MRPL3: variants seen among roughly 807,000 people sequenced by gnomAD.
MRPL3 encodes mitochondrial ribosomal protein L3, also known as large ribosomal subunit protein uL3m.
A neutral mutation model predicts 44.3 loss-of-function variants in MRPL3; 43 were observed. That is an observed-to-expected ratio of 0.97 (90% CI 0.76 to 1.25). MRPL3 has a LOEUF of 1.25. Among genes scored for constraint, MRPL3 ranks in the 50% most tolerant of loss-of-function variants. The pLI, the probability that MRPL3 is intolerant of heterozygous loss-of-function variation, is 0.00. For synonymous variants in MRPL3, 171 were observed against 152.3 expected, an observed-to-expected ratio of 1.12 and a Z score of -0.91; for missense variants, 406 against 427.6, an observed-to-expected ratio of 0.95 and a Z score of 0.45.
intron 3 of MRPL3, among the ~76,000 whole-genome samples, chr3:131,498,904 T>C (rs1323077590): frequency 6.6e-6 from 1 of 152,044 alleles, no homozygotes. Flanking sequence ...AGACAAGCAG[T>C]GTCAGGATTC....
chr3:131,501,826 G>T, intron 1 of MRPL3, 111 bp from the exon 2 acceptor site: 1 of 1,590,324 alleles, frequency 6.3e-7, no homozygotes, highest in Middle Eastern at 1.7e-4. Flanking sequence ...CTTGGGAAAG[G>T]GCTTGGATTC....
At chr3:131,481,184 T>C (rs2110704089) in intron 6 of MRPL3, among the ~76,000 whole-genome samples, 1 of 152,370 alleles carries the variant, frequency 6.6e-6, no homozygotes, top group East Asian at 1.9e-4. Flanking sequence ...CTAGAGTGTT[T>C]TGTAAAGCTA....
chr3:131,468,785 T>C lies in MRPL3; in HGVS notation c.817-617A>G, dbSNP rs113636683. On this transcript the variant is annotated intron_variant, in intron 8 of 9. Coordinates refer to ENST00000264995, the MANE Select transcript of MRPL3 (RefSeq NM_007208.4). ...CAGCAAATAGATGGTCTCTGATAAG[T>C]ATAAATGTAATAGAAGGGGTAAAAA... Among the ~76,000 whole-genome samples, 343 of 152,156 alleles carry C rather than the reference T, an allele frequency of 2.3e-3. 3 individuals carry two copies. Among genetic ancestry groups the C allele is most frequent in the African/African-American group, 7.7e-3 (321 of 41,532 alleles).
At chr3:131,477,769 C>T (rs909092161) in intron 6 of MRPL3, among the ~76,000 whole-genome samples, 8 of 152,144 alleles carry the variant, frequency 5.3e-5, no homozygotes, top group Non-Finnish European at 1.2e-4. Flanking sequence ...ATTATCACAA[C>T]CTAAAAAATT....
At position 131,490,022 on chromosome 3, in the gene MRPL3, ACTGT is replaced by A. The variant is rs779632643; in HGVS notation, c.523_526del (p.Thr175LeufsTer6). The A allele has an allele frequency of 2.5e-6, 4 of 1,612,012 alleles. No individual in the cohort carries two copies. The highest frequency in any genetic ancestry group is 2.5e-6 in the Non-Finnish European group (3 of 1,178,476). On this transcript the variant is annotated frameshift_variant, in exon 5 of 10. Coordinates refer to ENST00000264995, the MANE Select transcript of MRPL3 (RefSeq NM_007208.4). LOFTEE classifies it high-confidence loss of function. ...ATTATCTGTTATATTAAAGATTTTA[ACTGT>A]CTGTTTCGGCGGCAATCCAAGTTCC...
chr3:131,500,305 TCAA>T, intron 3 of MRPL3, 122 bp downstream of exon 3: 1 of 723,190 alleles, frequency 1.4e-6, no homozygotes, highest in Non-Finnish European at 2.3e-6. Flanking sequence ...CTATTTATGT[TCAA>T]CATCACCCCT....
chr3:131,491,994 A>G (rs1004582352), intron 4 of MRPL3, among the ~76,000 whole-genome samples: 2 of 152,062 alleles, frequency 1.3e-5, no homozygotes, highest in Non-Finnish European at 2.9e-5. Context: ...GCTTCAGAAA[A>G]AATGCACTCC....
chr3:131,493,297 A>G (rs914198476), intron 4 of MRPL3, among the ~76,000 whole-genome samples: 19 of 152,190 alleles, frequency 1.2e-4, no homozygotes, highest in African/African-American at 4.6e-4. Context: ...ATATAAGTAC[A>G]TGTCTCTAGT....
In MRPL3 at chr3:131,487,666, CTA is replaced by C. The variant is rs1313266902; in HGVS notation, c.629+12_629+13del. On this transcript the variant is annotated intron_variant, in intron 6 of 9. Coordinates refer to ENST00000264995, the MANE Select transcript of MRPL3 (RefSeq NM_007208.4). ...GAAAACAAAAGGAAAAGAGAACTCG[CTA>C]TGAGGACCTACGTTTTGGCTGTGAC... The C allele has an allele frequency of 1.9e-6, 3 of 1,603,238 alleles. No individual in the cohort carries two copies. Among genetic ancestry groups the C allele is most frequent in the Non-Finnish European group, 2.6e-6 (3 of 1,173,362 alleles).
intron 6 of MRPL3, among the ~76,000 whole-genome samples, chr3:131,471,966 A>G (rs1273916736): frequency 6.6e-6 from 1 of 152,130 alleles, no homozygotes; most frequent in Non-Finnish European, 1.5e-5. Flanking sequence ...GTAGGTATGG[A>G]GGCAGATTCT....
chr3:131,468,051 A>C, intron 9 of MRPL3, 40 bp downstream of exon 9: 1 of 541,906 alleles, frequency 1.8e-6, no homozygotes, highest in Non-Finnish European at 2.4e-6. Flanking sequence ...GTAAGAAACA[A>C]AAAAAAAAAA....
intron 9 of MRPL3, among the ~76,000 whole-genome samples, chr3:131,464,617 A>ATT (rs1933560664): frequency 1.3e-5 from 2 of 149,030 alleles, no homozygotes; most frequent in African/African-American, 2.5e-5. Flanking sequence ...TATATAGGAC[A>ATT]CAGGAATGAA....
intron 6 of MRPL3, among the ~76,000 whole-genome samples, chr3:131,486,767 A>G (rs1170775704): frequency 6.6e-6 from 1 of 152,238 alleles, no homozygotes; most frequent in Non-Finnish European, 1.5e-5. Flanking sequence ...ATACCATCTC[A>G]TGCCAGTCAG....
At chr3:131,500,776 TAA>T (rs771252166) in intron 2 of MRPL3, among the ~76,000 whole-genome samples, 3 of 152,216 alleles carry the variant, frequency 2.0e-5, no homozygotes, top group Non-Finnish European at 2.9e-5. Flanking sequence ...AGAAAACAGA[TAA>T]GTTAGGTATA....
intron 6 of MRPL3, among the ~76,000 whole-genome samples, chr3:131,482,167 T>A (rs1468172231): frequency 6.6e-6 from 1 of 152,118 alleles, no homozygotes; most frequent in African/African-American, 2.4e-5. Context: ...TAACTGAATC[T>A]CAATAAATGT....
chr3:131,483,374 T>G (rs1934039334), intron 6 of MRPL3, among the ~76,000 whole-genome samples: 1 of 152,198 alleles, frequency 6.6e-6, no homozygotes, highest in African/African-American at 2.4e-5. Flanking sequence ...ATAATAAAAC[T>G]ATGTAAAAAT....
Position 131,502,940 on chromosome 3 carries a change from C to A in MRPL3, c.-119G>T, listed in dbSNP as rs542754885. On this transcript the variant is annotated 5_prime_UTR_variant, in exon 1 of 10. Coordinates refer to ENST00000264995, the MANE Select transcript of MRPL3 (RefSeq NM_007208.4). ...GCCGTGGGGAAGTTTTCGCAATGGC[C>A]GCCGGAACGGTCGCCGGCCGATGCT... 2.0e-5 allele frequency: 19 copies of A among 932,116 alleles called. No homozygotes were observed. Among genetic ancestry groups the A allele is most frequent in the Admixed American group, 4.1e-5 (2 of 48,966 alleles). 57.7% of individuals were successfully genotyped at this position (932,116 alleles called of 1,614,324 possible).
intron 6 of MRPL3, among the ~76,000 whole-genome samples, chr3:131,475,748 A>T (rs1038218203): frequency 2.6e-5 from 4 of 152,254 alleles, no homozygotes; most frequent in Admixed American, 6.5e-5. Flanking sequence ...TAAGAAGAGA[A>T]TAATCAAATA....
chr3:131,475,155 CAG>C lies in MRPL3; in HGVS notation c.630-3878_630-3877del, dbSNP rs1343478575. Among the ~76,000 whole-genome samples the C allele has an allele frequency of 5.3e-5, 8 of 152,166 alleles. No homozygotes were observed. In the East Asian group the frequency reaches 1.2e-3, roughly 22 times the overall value. On this transcript the variant is annotated intron_variant, in intron 6 of 9. Coordinates refer to ENST00000264995, the MANE Select transcript of MRPL3 (RefSeq NM_007208.4). ...AGATAATACATCAACATATTTTTAA[CAG>C]AGTGTTCCCTAACCCCACCAACGTT...
Sources: allele counts gnomAD v4.1 joint callset (sites outside exome capture counted in the v4.1 genomes callset), GRCh38; gene constraint gnomAD v4.1.1; transcripts MANE v1.5; gene names NCBI Gene and HGNC (gene_info 2026-07-23, HGNC 2026-07-21).